The following STXBP6 variants were observed in gnomAD, a reference collection of about 807,000 sequenced individuals.
The protein encoded by STXBP6 is syntaxin-binding protein 6.
Under a neutral mutation model 26.9 loss-of-function variants are expected in STXBP6, and 21 were observed. The ratio of observed to expected loss-of-function variants is 0.78; its 90% CI spans 0.55 to 1.12. STXBP6 has a LOEUF of 1.12. STXBP6 is among the 50% of genes most tolerant of loss of function. The probability of loss-of-function intolerance (pLI) is 0.00; values close to 1 mark genes in which losing one functional copy is unlikely to be tolerated. For synonymous variants in STXBP6, 97 were observed against 92.6 expected (o/e 1.05, Z -0.27); for missense variants, 232 against 257.9 (o/e 0.90, Z 0.69).
chr14:24,956,946 C>T (rs919250186), intron 2 of STXBP6, among the ~76,000 whole-genome samples: 2 of 152,138 alleles, frequency 1.3e-5, no homozygotes, highest in African/African-American at 2.4e-5. Flanking sequence ...TCTTGAGGCT[C>T]CTAAGCTCCC....
intron 2 of STXBP6, among the ~76,000 whole-genome samples, chr14:24,869,626 A>G (rs1333684953): frequency 3.3e-5 from 5 of 152,316 alleles, no homozygotes; most frequent in Admixed American, 6.5e-5. Flanking sequence ...AAATCGCATC[A>G]TAATTGGGGG....
At chr14:24,974,454 C>T (rs932465028) in intron 2 of STXBP6, among the ~76,000 whole-genome samples, 1 of 152,194 alleles carries the variant, frequency 6.6e-6, no homozygotes, top group Non-Finnish European at 1.5e-5. Flanking sequence ...CTGGAAAATA[C>T]ACCCGAATTG....
chr14:24,962,745 G>A (rs1453748524), intron 2 of STXBP6, among the ~76,000 whole-genome samples: 1 of 152,088 alleles, frequency 6.6e-6, no homozygotes, highest in Non-Finnish European at 1.5e-5. Context: ...AGAGAAGAAC[G>A]ATTCCAGTCC....
chr14:24,971,150 A>T (rs1234862499), intron 2 of STXBP6, among the ~76,000 whole-genome samples: 2 of 152,190 alleles, frequency 1.3e-5, no homozygotes, highest in African/African-American at 4.8e-5. Context: ...CCTCCAGAGG[A>T]TATTTAAACC....
intron 2 of STXBP6, among the ~76,000 whole-genome samples, chr14:24,954,737 A>G (rs1277772651): frequency 6.6e-6 from 1 of 152,216 alleles, no homozygotes; most frequent in East Asian, 1.9e-4. Flanking sequence ...AGGCAGTAAA[A>G]TAGTCAACCA....
At chr14:24,968,313 G>A (rs939760205) in intron 2 of STXBP6, among the ~76,000 whole-genome samples, 5 of 151,660 alleles carry the variant, frequency 3.3e-5, no homozygotes, top group Non-Finnish European at 7.4e-5. Context: ...ACTTACCACT[G>A]CTGAATAAAC....
chr14:25,002,802 T>G (rs903988629), intron 1 of STXBP6, among the ~76,000 whole-genome samples: 1 of 151,686 alleles, frequency 6.6e-6, no homozygotes, highest in African/African-American at 2.4e-5. Flanking sequence ...AGTTTCACTC[T>G]TGTTGCCCAG....
intron 1 of STXBP6, among the ~76,000 whole-genome samples, chr14:25,033,661 T>C (rs888320074): frequency 2.6e-5 from 4 of 152,180 alleles, no homozygotes; most frequent in South Asian, 4.1e-4. Flanking sequence ...TCTCAGCTCA[T>C]CATGACTTCC....
chr14:24,999,565 T>G lies in STXBP6; in HGVS notation c.-32-24715A>C, dbSNP rs1006165917. On this transcript the variant is annotated intron_variant, in intron 1 of 5. Transcript: ENST00000323944. ...TAATGGGATGGCGTATTATGTGACA[T>G]TAGCAGATATGAATACAATGTTACG... Among the ~76,000 whole-genome samples the G allele has an allele frequency of 2.6e-5, 4 of 152,282 alleles. No individual in the cohort carries two copies. In the South Asian group the frequency reaches 6.2e-4, roughly 24 times the overall value.
chr14:25,044,495 G>A (rs1279441343), intron 1 of STXBP6, among the ~76,000 whole-genome samples: 10 of 152,248 alleles, frequency 6.6e-5, no homozygotes, highest in Admixed American at 4.6e-4. Context: ...CCATGCCCCC[G>A]TCCAGTTCCA....
intron 1 of STXBP6, among the ~76,000 whole-genome samples, chr14:25,037,673 T>C (rs1045885584): frequency 2.0e-5 from 3 of 152,212 alleles, no homozygotes; most frequent in African/African-American, 7.2e-5. Flanking sequence ...TCACTGTACA[T>C]GCTCAAAGGT....
intron 2 of STXBP6, among the ~76,000 whole-genome samples, chr14:24,903,820 A>G (rs541618458): frequency 7.2e-5 from 11 of 152,292 alleles, no homozygotes; most frequent in Admixed American, 7.2e-4. Flanking sequence ...CAATTTTCTC[A>G]TCTATAAAAA....
intron 4 of STXBP6, among the ~76,000 whole-genome samples, chr14:24,841,430 G>C (rs1234269762): frequency 6.6e-6 from 1 of 152,166 alleles, no homozygotes; most frequent in Non-Finnish European, 1.5e-5. Flanking sequence ...TTATTTTCAA[G>C]TGTGGCACTT....
intron 2 of STXBP6, among the ~76,000 whole-genome samples, chr14:24,902,455 AAGGCTATATT>A (rs562786631): frequency 1.3e-5 from 2 of 152,240 alleles, no homozygotes; most frequent in East Asian, 3.9e-4. Context: ...AATCCCTAGT[AAGGCTATATT>A]TGAGACTTGA....
At chr14:24,833,749 T>C (rs560971068) in intron 4 of STXBP6, among the ~76,000 whole-genome samples, 1 of 152,334 alleles carries the variant, frequency 6.6e-6, no homozygotes, top group Admixed American at 6.5e-5. Flanking sequence ...AAGATATAAT[T>C]ATGTACAAAA....
chr14:24,871,266 G>A (rs961501154), intron 2 of STXBP6, among the ~76,000 whole-genome samples: 5 of 152,160 alleles, frequency 3.3e-5, no homozygotes, highest in African/African-American at 1.2e-4. Flanking sequence ...TCAAAGTAGA[G>A]CTAGGTGTTT....
chr14:24,857,303 T>C, intron 2 of STXBP6, 146 bp from the exon 3 acceptor site: 2 of 1,047,882 alleles, frequency 1.9e-6, no homozygotes, highest in South Asian at 3.2e-5. Context: ...TATGAATAAA[T>C]ATGTGTGCCT....
chr14:24,863,089 T>A (rs1300966377), intron 2 of STXBP6, among the ~76,000 whole-genome samples: 1 of 152,186 alleles, frequency 6.6e-6, no homozygotes, highest in East Asian at 1.9e-4. Flanking sequence ...ATTTTTATTT[T>A]GAAAGGATAC....
chr14:24,815,943 A>G (rs1386608103), intron 5 of STXBP6: 3 of 152,184 alleles, frequency 2.0e-5, no homozygotes, highest in Non-Finnish European at 4.4e-5. Context: ...ATCATTTTCT[A>G]TCTGCACTGT....
Sources: allele counts gnomAD v4.1 joint callset (sites outside exome capture counted in the v4.1 genomes callset), GRCh38; gene constraint gnomAD v4.1.1; transcripts MANE v1.5; gene names NCBI Gene and HGNC (gene_info 2026-07-23, HGNC 2026-07-21).